Variants in GNB4 observed in about 807,000 individuals in gnomAD.
GNB4 encodes guanine nucleotide-binding protein subunit beta-4.
Under a neutral mutation model 45.2 loss-of-function variants are expected in GNB4, and 28 were observed. That is an observed-to-expected ratio of 0.62 (90% confidence interval 0.46 to 0.85). The LOEUF is 0.85. GNB4 is among the 40% of genes least tolerant of loss of function. The pLI is 0.00. For synonymous variants in GNB4, 132 were observed against 143.7 expected (o/e 0.92, Z 0.58); for missense variants, 321 against 425.4 (o/e 0.75, Z 2.16).
chr3:179,478,194 T>C, the GNB4 span, among the ~76,000 whole-genome samples: 6 of 152,154 alleles, frequency 3.9e-5, no homozygotes, highest in Admixed American at 1.3e-4. Context: ...ACTCTCATGA[T>C]GGCAACATTA....
the GNB4 span, among the ~76,000 whole-genome samples, chr3:179,516,101 G>T: frequency 6.6e-5 from 10 of 152,174 alleles, no homozygotes; most frequent in Non-Finnish European, 1.5e-4. Flanking sequence ...TTGCTTGATT[G>T]GTGAGTTTTT....
the GNB4 span, among the ~76,000 whole-genome samples, chr3:179,489,008 AAAAAAAAAAAAATATATATATAT>A: frequency 1.9e-4 from 9 of 46,762 alleles, 1 homozygote; most frequent in African/African-American, 9.4e-4. Context: ...AAAAAAAAAA[AAAAAAAAAAAAATATATATATAT>A]ATATATATAT....
In GNB4 at chr3:179,398,419, G is replaced by A. The variant is rs1714185311; in HGVS notation, c.*2794C>T. 1 of 151,972 alleles carries A rather than the reference G, an allele frequency of 6.6e-6. No individual in the cohort carries two copies. The highest frequency in any genetic ancestry group is 6.6e-5 in the Admixed American group (1 of 15,242). 9.4% of individuals were successfully genotyped at this position (151,972 alleles called of 1,614,324 possible). A position where few individuals can be genotyped will look rare whatever the true frequency, so the allele number is the denominator to read the frequency against. ...AGTCCCAGCTACTTGGGAGGCTGAG[G>A]CACAAGAATTGCTTGAACCCAGGAG... On this transcript the variant is annotated 3_prime_UTR_variant, in exon 10 of 10. Transcript: ENST00000232564.
At chr3:179,476,324 C>T in the GNB4 span, among the ~76,000 whole-genome samples, 22 of 152,226 alleles carry the variant, frequency 1.4e-4, no homozygotes, top group African/African-American at 5.3e-4. Context: ...TATCCTGCAA[C>T]CTGGGCACAA....
chr3:179,464,859 T>C, the GNB4 span: 17 of 1,366,404 alleles, frequency 1.2e-5, no homozygotes, highest in African/African-American at 1.7e-4. Flanking sequence ...CAGTATTCCA[T>C]GTTACCGGCT....
chr3:179,435,185 C>T (rs547198109), intron 1 of GNB4, among the ~76,000 whole-genome samples: 5 of 152,280 alleles, frequency 3.3e-5, no homozygotes, highest in African/African-American at 1.2e-4. Flanking sequence ...TGCCATACGG[C>T]CTCTTTTCAA....
At chr3:179,489,046 A>ATTTT in the GNB4 span, among the ~76,000 whole-genome samples, 4 of 38,758 alleles carry the variant, frequency 1.0e-4, no homozygotes, top group African/African-American at 4.1e-4. Flanking sequence ...ATATATATAT[A>ATTTT]ATATATATGT....
At chr3:179,487,981 G>A in the GNB4 span, among the ~76,000 whole-genome samples, 1 of 151,774 alleles carries the variant, frequency 6.6e-6, no homozygotes, top group African/African-American at 2.4e-5. Flanking sequence ...AACTCAGGAG[G>A]CAGAGGTTGC....
rs931216418 is a variant in GNB4, at chr3:179,397,309, A to C, written c.*3904T>G. The C allele has an allele frequency of 6.6e-6, 1 of 152,252 alleles. No individual in the cohort carries two copies. The highest frequency in any genetic ancestry group is 1.5e-5 in the Non-Finnish European group (1 of 68,050). 9.4% of individuals were successfully genotyped at this position (152,252 alleles called of 1,614,324 possible). On this transcript the variant is annotated 3_prime_UTR_variant, in exon 10 of 10. Transcript: ENST00000232564. ...AAGGTCTTATTATTAAATCCAAAATACCAAAAGTATTAGAGGAGCTAGTTA... is the reference window on the plus strand; with the variant it reads ...AAGGTCTTATTATTAAATCCAAAATCCCAAAAGTATTAGAGGAGCTAGTTA...
chr3:179,436,979 C>A (rs1184145107), intron 1 of GNB4, among the ~76,000 whole-genome samples: 1 of 152,050 alleles, frequency 6.6e-6, no homozygotes, highest in Non-Finnish European at 1.5e-5. Flanking sequence ...AGGGTTTATT[C>A]TCTCATCAAA....
the GNB4 span, among the ~76,000 whole-genome samples, chr3:179,475,263 A>G: frequency 0.74 from 111,825 of 151,500 alleles, 41,715 homozygotes; most frequent in East Asian, 0.98. Context: ...GACTACATGC[A>G]CGTGCCACCA....
chr3:179,424,182 T>C (rs1446643515), intron 2 of GNB4, among the ~76,000 whole-genome samples: 1 of 152,210 alleles, frequency 6.6e-6, no homozygotes, highest in African/African-American at 2.4e-5. Flanking sequence ...TCCTCAACTA[T>C]TAAATGAAGT....
intron 1 of GNB4, among the ~76,000 whole-genome samples, chr3:179,430,459 T>G (rs543732096): frequency 6.6e-6 from 1 of 151,558 alleles, no homozygotes; most frequent in Non-Finnish European, 1.5e-5. Context: ...TGGTGATTCA[T>G]TCATTCATTC....
the GNB4 span, among the ~76,000 whole-genome samples, chr3:179,521,562 T>C: frequency 6.6e-6 from 1 of 152,192 alleles, no homozygotes; most frequent in Non-Finnish European, 1.5e-5. Flanking sequence ...CATTCTCAAC[T>C]ACTCATAAAT....
chr3:179,517,445 C>T, the GNB4 span, among the ~76,000 whole-genome samples: 1 of 152,180 alleles, frequency 6.6e-6, no homozygotes, highest in Non-Finnish European at 1.5e-5. Context: ...TCACACAAAG[C>T]CTGTTTGGTG....
intron 8 of GNB4, among the ~76,000 whole-genome samples, chr3:179,410,085 A>G (rs1460372973): frequency 6.6e-6 from 1 of 152,082 alleles, no homozygotes. Context: ...CTGCTGCCCT[A>G]TGGAGAGGTG....
the GNB4 span, among the ~76,000 whole-genome samples, chr3:179,498,507 GCTCACTGCAACCTCCAC>G: frequency 6.6e-6 from 1 of 152,162 alleles, no homozygotes; most frequent in Non-Finnish European, 1.5e-5. Flanking sequence ...CGCGATCTCG[GCTCACTGCAACCTCCAC>G]CTTCTGGGTT....
chr3:179,502,228 CTTTTTTTTTT>C, the GNB4 span, among the ~76,000 whole-genome samples: 561 of 73,478 alleles, frequency 7.6e-3, 5 homozygotes, highest in African/African-American at 0.028. Flanking sequence ...TTTTTCTTTT[CTTTTTTTTTT>C]TTTTTTTTTT....
At chr3:179,520,167 A>G in the GNB4 span, among the ~76,000 whole-genome samples, 58,289 of 124,612 alleles carry the variant, frequency 0.47, 14,858 homozygotes, top group East Asian at 0.63. Context: ...GCTTTCACTT[A>G]GACTGACCCT....
Sources: gnomAD v4.1 joint callset for allele counts (sites outside exome capture counted in the v4.1 genomes callset) on GRCh38, gnomAD v4.1.1 for gene constraint, MANE v1.5 for transcripts, NCBI Gene and HGNC (gene_info 2026-07-23, HGNC 2026-07-21) for gene names.